TMEM114: variants seen among roughly 807,000 people sequenced by gnomAD.
TMEM114 encodes the protein claudin-26.
TMEM114 carries 6 observed loss-of-function variants against 6.2 expected under a neutral mutation model. The observed-to-expected ratio is 0.97, with a 90% CI of 0.53 to 1.91. The LOEUF is 1.91. Among genes scored for constraint, TMEM114 ranks in the 40% most tolerant of loss-of-function variants. The pLI is 0.01. For missense variants in TMEM114, 218 were observed against 158.3 expected (o/e 1.38, Z -2.02); for synonymous variants, 104 against 73.0 (o/e 1.42, Z -2.16).
the TMEM114 span, among the ~76,000 whole-genome samples, chr16:8,527,130 C>T: frequency 3.3e-5 from 5 of 152,198 alleles, no homozygotes; most frequent in Non-Finnish European, 7.3e-5. Flanking sequence ...TTGCTTGAAC[C>T]CGGAAGGTGG....
intron 2 of TMEM114, among the ~76,000 whole-genome samples, chr16:8,546,284 C>T (rs1157118640): frequency 6.6e-6 from 1 of 152,112 alleles, no homozygotes; most frequent in African/African-American, 2.4e-5. Context: ...AGTAAATCAA[C>T]ACATATAATT....
rs1001423301 is a variant in TMEM114 at position 8,589,244 on chromosome 16, C to T, written c.270G>A (p.Val90=). The part of the protein sequence containing the change: ...PLMNPFRLEN[V]TVSESSRQLL... ...GTTGCCGGCTCGATTCGCTGACTGT[C>T]ACGTTCTCCAGCCTGAAGGGGTTCA... Residue 90 remains valine, a synonymous_variant, in exon 2 of 4, where the codon GTG becomes GTA. Transcript: ENST00000620492. 14 of 399,006 alleles carry T rather than the reference C, an allele frequency of 3.5e-5. No individual in the cohort carries two copies. The highest frequency in any genetic ancestry group is 2.7e-4 in the African/African-American group (13 of 48,772). The allele number at this position is 399,006 out of a possible 1,614,324, so 24.7% of individuals were successfully genotyped here.
At chr16:8,543,769 T>C (rs1191799704) in intron 2 of TMEM114, among the ~76,000 whole-genome samples, 1 of 152,206 alleles carries the variant, frequency 6.6e-6, no homozygotes, top group Non-Finnish European at 1.5e-5. Context: ...TTCATTTCTA[T>C]AGCCCAAATT....
chr16:8,563,848 AG>A (rs1293704946), intron 2 of TMEM114, among the ~76,000 whole-genome samples: 4 of 139,044 alleles, frequency 2.9e-5, no homozygotes, highest in African/African-American at 7.9e-5. Context: ...GGAGGGAGGG[AG>A]GGAGGGAGGG....
chr16:8,562,532 G>GTGAGTGACTGAA (rs1567202283), intron 2 of TMEM114, among the ~76,000 whole-genome samples: 1 of 147,036 alleles, frequency 6.8e-6, no homozygotes, highest in African/African-American at 2.5e-5. Context: ...GAGTTAATGA[G>GTGAGTGACTGAA]TGAGTGAGTG....
In TMEM114 at chr16:8,569,575, C is replaced by A; in HGVS notation, c.*198G>T. 7.0e-7 allele frequency: 1 copy of A among 1,425,668 alleles called. No individual in the cohort carries two copies. Among genetic ancestry groups the A allele is most frequent in the East Asian group, 2.5e-5 (1 of 39,722 alleles). The allele number at this position is 1,425,668 out of a possible 1,614,324, so 88.3% of individuals were successfully genotyped here. A position where few individuals can be genotyped will look rare whatever the true frequency, so the allele number is the denominator to read the frequency against. ...CGGGCTCCTCCAGGCCACACGGACA[C>A]ACACGGACATAAGCACACAGGTACT... is the stretch of plus-strand genomic sequence containing the variant. On this transcript the variant is annotated 3_prime_UTR_variant, in exon 4 of 4. Coordinates refer to ENST00000620492, the MANE Select transcript of TMEM114 (RefSeq NM_001146336.2).
intron 2 of TMEM114, among the ~76,000 whole-genome samples, chr16:8,547,011 T>A (rs554412009): frequency 6.6e-6 from 1 of 152,340 alleles, no homozygotes; most frequent in African/African-American, 2.4e-5. Context: ...TTACATAAAA[T>A]ACTTGTATGT....
At chr16:8,541,994 C>T (rs58535346) in intron 2 of TMEM114, among the ~76,000 whole-genome samples, 11,272 of 152,210 alleles carry the variant, frequency 0.074, 504 homozygotes, top group Middle Eastern at 0.16. Flanking sequence ...GATCCACCAC[C>T]CTGCGAGGCA....
chr16:8,554,853 A>C (rs9925238), intron 2 of TMEM114, among the ~76,000 whole-genome samples: 1 of 152,106 alleles, frequency 6.6e-6, no homozygotes, highest in South Asian at 2.1e-4. Context: ...AGGATGAGGA[A>C]GTTGAGGGAC....
intron 2 of TMEM114, among the ~76,000 whole-genome samples, chr16:8,581,009 G>C (rs1902130574): frequency 6.6e-6 from 1 of 152,070 alleles, no homozygotes; most frequent in African/African-American, 2.4e-5. Flanking sequence ...TACTTTAACA[G>C]ATCTGAAAAT....
At chr16:8,545,417 A>C (rs985691962) in intron 2 of TMEM114, among the ~76,000 whole-genome samples, 15 of 152,212 alleles carry the variant, frequency 9.9e-5, no homozygotes, top group African/African-American at 3.1e-4. Flanking sequence ...CCTGTGCAAC[A>C]GTTATACTCT....
chr16:8,572,558 C>A (rs534208441), intron 2 of TMEM114, among the ~76,000 whole-genome samples: 1 of 152,154 alleles, frequency 6.6e-6, no homozygotes. Context: ...ACCTAAGCTG[C>A]CCAAGTAGCT....
At position 8,572,140 on chromosome 16, in the gene TMEM114, A is replaced by G; in HGVS notation, c.386T>C (p.Leu129Pro). The G allele has an allele frequency of 6.4e-7, 1 of 1,551,584 alleles. No homozygotes were observed. The highest frequency in any genetic ancestry group is 8.7e-7 in the Non-Finnish European group (1 of 1,146,958). The change falls in exon 3 of 4, where the codon CTC (leucine) becomes CCC (proline). Residue 129 changes from leucine to proline, a missense_variant. Coordinates refer to ENST00000620492, the MANE Select transcript of TMEM114 (RefSeq NM_001146336.2). ...FGGMTGFLSFLLQAYLLLLLT... is the reference protein window; with the variant it reads ...FGGMTGFLSFPLQAYLLLLLT... Reference sequence around the variant, plus strand: ...CAGGAGGAGGAGGTAGGCTTGGAGGAGGAAGCTCAGAAACCCCGTCATCCC... The same window carrying G: ...CAGGAGGAGGAGGTAGGCTTGGAGGGGGAAGCTCAGAAACCCCGTCATCCC...
chr16:8,548,792 G>A (rs978370581), intron 2 of TMEM114, among the ~76,000 whole-genome samples: 6 of 151,354 alleles, frequency 4.0e-5, no homozygotes, highest in East Asian at 1.9e-4. Flanking sequence ...TCAATTTTAC[G>A]TAGTCAGTGG....
Position 8,569,588 on chromosome 16 carries a change from G to C in TMEM114, c.*185C>G, listed in dbSNP as rs1342320615. Reference sequence around the variant, plus strand: ...GCCACACGGACACACACGGACATAAGCACACAGGTACTAGGATAACAGCCA... The same window carrying C: ...GCCACACGGACACACACGGACATAACCACACAGGTACTAGGATAACAGCCA... On this transcript the variant is annotated 3_prime_UTR_variant, in exon 4 of 4. Transcript: ENST00000620492. 1 of 1,429,060 alleles carries C rather than the reference G, an allele frequency of 7.0e-7. No individual in the cohort carries two copies. Among genetic ancestry groups the C allele is most frequent in the East Asian group, 2.5e-5 (1 of 39,792 alleles). The allele number at this position is 1,429,060 out of a possible 1,614,324, so 88.5% of individuals were successfully genotyped here. A position where few individuals can be genotyped will look rare whatever the true frequency, so the allele number is the denominator to read the frequency against.
At chr16:8,552,004 C>T (rs1900859603) in intron 2 of TMEM114, among the ~76,000 whole-genome samples, 1 of 152,048 alleles carries the variant, frequency 6.6e-6, no homozygotes, top group Admixed American at 6.6e-5. Flanking sequence ...TTGTATGGTT[C>T]CATTTATATA....
chr16:8,537,388 C>G (rs1900391527), downstream of TMEM114, among the ~76,000 whole-genome samples: 1 of 152,146 alleles, frequency 6.6e-6, no homozygotes, highest in Non-Finnish European at 1.5e-5. Flanking sequence ...GTAGTCCCAG[C>G]TACTTGGGAA....
intron 2 of TMEM114, among the ~76,000 whole-genome samples, chr16:8,550,286 C>T (rs1004763715): frequency 2.6e-5 from 4 of 152,242 alleles, no homozygotes; most frequent in African/African-American, 7.2e-5. Context: ...CAGATACATC[C>T]AGAAACAATA....
At chr16:8,564,037 CTGAA>C (rs1384941044) in intron 2 of TMEM114, among the ~76,000 whole-genome samples, 25 of 137,760 alleles carry the variant, frequency 1.8e-4, no homozygotes, top group Non-Finnish European at 3.1e-4. Flanking sequence ...AAATGAGTGA[CTGAA>C]TGAGTGAGTG....
Sources: allele counts gnomAD v4.1 joint callset (sites outside exome capture counted in the v4.1 genomes callset), GRCh38; gene constraint gnomAD v4.1.1; transcripts MANE v1.5; gene names NCBI Gene and HGNC (gene_info 2026-07-23, HGNC 2026-07-21).